ZNF701: variants seen among roughly 807,000 people sequenced by gnomAD.
ZNF701 encodes the protein zinc finger protein 701.
ZNF701 carries 6 observed loss-of-function variants against 7.1 expected under a neutral mutation model. That is an observed-to-expected ratio of 0.84 (90% CI 0.46 to 1.66). ZNF701 has a LOEUF of 1.66. Among genes scored for constraint, ZNF701 ranks in the 40% most tolerant of loss-of-function variants. The probability of loss-of-function intolerance (pLI) is 0.01; values close to 1 mark genes in which losing one functional copy is unlikely to be tolerated. For missense variants in ZNF701, 541 were observed against 559.2 expected, an observed-to-expected ratio of 0.97 and a Z score of 0.33; for synonymous variants, 166 against 188.2, an observed-to-expected ratio of 0.88 and a Z score of 0.97.
At chr19:52,573,622 C>T (rs1015912527) in intron 1 of ZNF701, among the ~76,000 whole-genome samples, 4 of 152,188 alleles carry the variant, frequency 2.6e-5, no homozygotes, top group African/African-American at 9.7e-5. Flanking sequence ...GATCCTCCCC[C>T]TCAGCTTCCT....
At position 52,582,757 on chromosome 19, in the gene ZNF701, A is replaced by G. The variant is rs2059984100; in HGVS notation, c.698A>G (p.His233Arg). The G allele has an allele frequency of 6.2e-7, 1 of 1,614,200 alleles. No individual in the cohort carries two copies. Among genetic ancestry groups the G allele is most frequent in the East Asian group, 2.2e-5 (1 of 44,880 alleles). Residue 233 changes from histidine (H) to arginine (R), a missense_variant, in exon 4 of 4, where the codon CAT becomes CGT. Transcript: ENST00000391785. ...AFNGSSLLKK[H>R]QIIHLGDKQY... ...AATGGTAGCTCACTCTTAAAAAAAC[A>G]TCAGATAATCCATTTAGGAGACAAA...
intron 1 of ZNF701, chr19:52,570,812 C>G (rs1226831913): frequency 6.6e-6 from 1 of 152,404 alleles, no homozygotes; most frequent in Non-Finnish European, 1.5e-5. Context: ...TGCTGCACCC[C>G]AAGTCTCCCC....
intron 1 of ZNF701, 106 bp from the exon 2 acceptor site, chr19:52,573,971 G>A (rs2059916434): frequency 8.4e-7 from 1 of 1,191,672 alleles, no homozygotes; most frequent in Non-Finnish European, 1.2e-6. Context: ...GGGCAGCAGA[G>A]GTGACCATAT....
chr19:52,589,887 G>A (rs1319007772), downstream of ZNF701, among the ~76,000 whole-genome samples: 1 of 151,804 alleles, frequency 6.6e-6, no homozygotes, highest in Non-Finnish European at 1.5e-5. Context: ...TTTGTCACCT[G>A]GGTTTAAGTG....
In ZNF701 at chr19:52,587,162, A is replaced by G. The variant is rs571105822; in HGVS notation, c.*3705A>G. On this transcript the variant is annotated 3_prime_UTR_variant, in exon 4 of 4. Coordinates refer to ENST00000391785, the MANE Select transcript of ZNF701 (RefSeq NM_018260.3). The stretch of plus-strand genomic sequence containing the variant: ...GTATTTTAAATATGGAAAATAAATT[A>G]CATTATTTGTAAGTGTTGTAATTTA... 5.9e-5 allele frequency: 9 copies of G among 152,352 alleles called. No homozygotes were observed. The East Asian group carries it at 1.7e-3, about 29-fold the overall frequency. The allele number at this position is 152,352 out of a possible 1,614,324, so 9.4% of individuals were successfully genotyped here. A position where few individuals can be genotyped will look rare whatever the true frequency, so the allele number is the denominator to read the frequency against.
At chr19:52,591,533 A>T (rs375363485), downstream of ZNF701, among the ~76,000 whole-genome samples, 1 of 152,066 alleles carries the variant, frequency 6.6e-6, no homozygotes, top group East Asian at 1.9e-4. Flanking sequence ...CTGCAGCCCA[A>T]GCTGAGTTGC....
At chr19:52,577,631 A>G (rs566428577) in intron 3 of ZNF701, among the ~76,000 whole-genome samples, 160 of 151,936 alleles carry the variant, frequency 1.1e-3, no homozygotes, top group African/African-American at 3.3e-3. Context: ...CCTCTGTCAC[A>G]CCCGCATAAG....
chr19:52,595,847 T>G, the ZNF701 span: 5 of 1,612,026 alleles, frequency 3.1e-6, no homozygotes, highest in African/African-American at 5.3e-5. Flanking sequence ...TAGTACAGAC[T>G]GACGTGATCA....
At chr19:52,577,368 G>A (rs775547818) in intron 3 of ZNF701, among the ~76,000 whole-genome samples, 4 of 152,096 alleles carry the variant, frequency 2.6e-5, no homozygotes, top group East Asian at 1.9e-4. Context: ...CCAAAGTGTG[G>A]ACCTAAGATT....
chr19:52,581,366 C>T (rs1050721893), intron 3 of ZNF701, among the ~76,000 whole-genome samples: 4 of 152,136 alleles, frequency 2.6e-5, no homozygotes, highest in African/African-American at 9.6e-5. Context: ...ATTACAGGTG[C>T]CCACCACCAC....
the ZNF701 span, chr19:52,596,712 A>G: frequency 0.43 from 212,638 of 492,844 alleles, 46,105 homozygotes; most frequent in Middle Eastern, 0.52. Flanking sequence ...TTTCACGAGT[A>G]TGGAAAGACC....
downstream of ZNF701, chr19:52,588,595 A>G (rs2060024672): frequency 9.9e-6 from 4 of 403,182 alleles, no homozygotes; most frequent in South Asian, 8.7e-5. Flanking sequence ...AAAAGGAGCC[A>G]GGGACGGCTC....
At chr19:52,581,067 T>G (rs1246170342) in intron 3 of ZNF701, among the ~76,000 whole-genome samples, 1 of 152,076 alleles carries the variant, frequency 6.6e-6, no homozygotes, top group Non-Finnish European at 1.5e-5. Context: ...GAGGCTGCAG[T>G]GAGCCAAGAT....
At chr19:52,577,497 C>CAATGATTATT (rs1555772800) in intron 3 of ZNF701, among the ~76,000 whole-genome samples, 58 of 149,836 alleles carry the variant, frequency 3.9e-4, no homozygotes, top group African/African-American at 1.3e-3. Context: ...GGACAATTAT[C>CAATGATTATT]AATCATTAGC....
the ZNF701 span, chr19:52,596,306 A>T: frequency 2.4e-6 from 1 of 411,392 alleles, no homozygotes; most frequent in Non-Finnish European, 4.8e-6. Flanking sequence ...GTGTTCCAAG[A>T]CCTTCAATCA....
Position 52,586,036 on chromosome 19 carries a change from GTT to G in ZNF701, c.*2583_*2584del, listed in dbSNP as rs1385806382. On this transcript the variant is annotated 3_prime_UTR_variant, in exon 4 of 4. Coordinates refer to ENST00000391785, the MANE Select transcript of ZNF701 (RefSeq NM_018260.3). The stretch of plus-strand genomic sequence containing the variant: ...ACCCAGGACCCATGTGGTTTTTTTT[GTT>G]TTTGTTTTTGTTTTTTTGATGGAGA... 2 of 150,426 alleles carry G rather than the reference GTT, an allele frequency of 1.3e-5. No individual in the cohort carries two copies. Among genetic ancestry groups the G allele is most frequent in the African/African-American group, 5.0e-5 (2 of 40,230 alleles). 9.3% of individuals were successfully genotyped at this position (150,426 alleles called of 1,614,324 possible). A position where few individuals can be genotyped will look rare whatever the true frequency, so the allele number is the denominator to read the frequency against.
At chr19:52,588,953 G>C (rs2060026243), downstream of ZNF701, among the ~76,000 whole-genome samples, 1 of 152,160 alleles carries the variant, frequency 6.6e-6, no homozygotes, top group African/African-American at 2.4e-5. Context: ...CTGTTGGCCA[G>C]GCTGGTCTCA....
Position 52,583,347 on chromosome 19 carries a change from A to G in ZNF701, c.1288A>G (p.Arg430Gly), listed in dbSNP as rs1465806019. The G allele has an allele frequency of 6.2e-7, 1 of 1,604,352 alleles. No homozygotes were observed. ...NHKSNLACHR[R>G]LHTGEKPYKC... is the part of the protein sequence containing the mutation. ...CAAATCAAACCTTGCATGTCATCGT[A>G]GACTTCATACTGGAGAGAAACCTTA... Residue 430 changes from arginine (R) to glycine (G), a missense_variant, in exon 4 of 4, where the codon AGA becomes GGA. Transcript: ENST00000391785.
rs1275057381 is a variant in ZNF701 at position 52,583,248 on chromosome 19, C to G, written c.1189C>G (p.Leu397Val). ...CAAGACCTTTGTTCAAAATTCATCTCTTGTAATGCATAAGGTCATTCATAC... is the reference window on the plus strand; with the variant it reads ...CAAGACCTTTGTTCAAAATTCATCTGTTGTAATGCATAAGGTCATTCATAC... ...CGKTFVQNSS[L>V]VMHKVIHTGE... The change falls in exon 4 of 4, where the codon CTT becomes GTT. Residue 397 changes from leucine (L) to valine (V), a missense_variant. Coordinates refer to ENST00000391785, the MANE Select transcript of ZNF701 (RefSeq NM_018260.3). 4 of 1,609,998 alleles carry G rather than the reference C, an allele frequency of 2.5e-6. No homozygotes were observed. In the African/African-American group the frequency reaches 4.0e-5, roughly 16 times the overall value.
Sources: gnomAD v4.1 joint callset for allele counts (sites outside exome capture counted in the v4.1 genomes callset) on GRCh38, gnomAD v4.1.1 for gene constraint, MANE v1.5 for transcripts, NCBI Gene and HGNC (gene_info 2026-07-23, HGNC 2026-07-21) for gene names.